Variants in RBFOX1 observed in about 807,000 individuals in gnomAD.
The protein encoded by RBFOX1 is RNA binding protein fox-1 homolog 1.
Under a neutral mutation model 57.7 loss-of-function variants are expected in RBFOX1, and 8 were observed. The ratio of observed to expected loss-of-function variants is 0.14; its 90% CI spans 0.08 to 0.25. RBFOX1 has a LOEUF of 0.25. Ranked by LOEUF, RBFOX1 falls within the 10% of genes least tolerant of loss-of-function variation. The pLI, the probability that RBFOX1 is intolerant of heterozygous loss-of-function variation, is 1.00. For synonymous variants in RBFOX1, 326 were observed against 222.4 expected (o/e 1.47, Z -4.15); for missense variants, 611 against 548.5 (o/e 1.11, Z -1.14).
intron 2 of RBFOX1, among the ~76,000 whole-genome samples, chr16:6,504,569 C>T (rs1444669523): frequency 6.6e-6 from 1 of 152,190 alleles, no homozygotes; most frequent in Non-Finnish European, 1.5e-5. Context: ...TGCCTATCTA[C>T]ATTCCAAACA....
At chr16:7,700,120 C>G (rs1036489877) in intron 14 of RBFOX1, among the ~76,000 whole-genome samples, 2 of 152,044 alleles carry the variant, frequency 1.3e-5, no homozygotes, top group African/African-American at 4.8e-5. Context: ...ATGGGAGATG[C>G]CAGTACATAA....
chr16:5,308,838 T>C (rs1283256791), intron 1 of RBFOX1, among the ~76,000 whole-genome samples: 1 of 152,136 alleles, frequency 6.6e-6, no homozygotes, highest in Non-Finnish European at 1.5e-5. Flanking sequence ...TCTCGCAGAT[T>C]CCCAGTGCTC....
At chr16:6,742,981 A>G (rs982150473) in intron 3 of RBFOX1, among the ~76,000 whole-genome samples, 42 of 152,188 alleles carry the variant, frequency 2.8e-4, no homozygotes, top group African/African-American at 9.7e-4. Context: ...TGTCAATATC[A>G]TATAGTACAA....
chr16:6,235,292 A>G (rs1359094166), intron 1 of RBFOX1, among the ~76,000 whole-genome samples: 2 of 152,206 alleles, frequency 1.3e-5, no homozygotes, highest in South Asian at 4.1e-4. Flanking sequence ...ATGAATCACA[A>G]GGTGCAATAC....
intron 13 of RBFOX1, among the ~76,000 whole-genome samples, chr16:7,674,987 A>G (rs1479424812): frequency 6.6e-6 from 1 of 152,180 alleles, no homozygotes; most frequent in African/African-American, 2.4e-5. Context: ...TGCTGCAAAT[A>G]CTTTTTCTTG....
At position 6,450,859 on chromosome 16, in the gene RBFOX1, A is replaced by ATG. The variant is rs1567304243; in HGVS notation, c.-64+133803_-64+133804insGT. 9.6e-4 allele frequency among the ~76,000 whole-genome samples: 86 copies of ATG among 89,648 alleles called. 10 individuals are homozygous for ATG. Among genetic ancestry groups the ATG allele is most frequent in the African/African-American group, 3.4e-3 (80 of 23,294 alleles). 58.8% of individuals were successfully genotyped at this position (89,648 alleles called of 152,430 possible). A position where few individuals can be genotyped will look rare whatever the true frequency, so the allele number is the denominator to read the frequency against. On this transcript the variant is annotated intron_variant, in intron 2 of 15. Transcript: ENST00000550418. ...TATGTGTATATATATATATATATAT[A>ATG]TATATATATATATATCTCCTCTGAA...
At chr16:5,514,966 G>C (rs1209860603) in intron 2 of RBFOX1, among the ~76,000 whole-genome samples, 5 of 152,170 alleles carry the variant, frequency 3.3e-5, no homozygotes, top group African/African-American at 1.2e-4. Flanking sequence ...GGACCTCAGG[G>C]AGCTTTTACT....
At chr16:7,441,292 T>A (rs568117567) in intron 4 of RBFOX1, among the ~76,000 whole-genome samples, 28 of 152,334 alleles carry the variant, frequency 1.8e-4, no homozygotes, top group Admixed American at 1.4e-3. Flanking sequence ...TTGGCAGTGG[T>A]GGAGCTGTTA....
intron 7 of RBFOX1, among the ~76,000 whole-genome samples, chr16:7,592,964 G>A (rs2094519328): frequency 6.6e-6 from 1 of 150,456 alleles, no homozygotes; most frequent in African/African-American, 2.4e-5. Context: ...AATAGGTACA[G>A]GCTGTCACAC....
At chr16:6,818,310 G>C (rs1372530010) in intron 3 of RBFOX1, among the ~76,000 whole-genome samples, 2 of 152,074 alleles carry the variant, frequency 1.3e-5, no homozygotes, top group African/African-American at 2.4e-5. Flanking sequence ...ATTACTATGA[G>C]AATCATGGTT....
chr16:6,998,403 G>T (rs954454159), intron 3 of RBFOX1, among the ~76,000 whole-genome samples: 1 of 152,072 alleles, frequency 6.6e-6, no homozygotes, highest in Non-Finnish European at 1.5e-5. Flanking sequence ...TCTGAAGGGG[G>T]CAAAATGAAG....
intron 3 of RBFOX1, among the ~76,000 whole-genome samples, chr16:6,919,908 G>T (rs546448160): frequency 1.3e-5 from 2 of 151,650 alleles, no homozygotes; most frequent in Non-Finnish European, 2.9e-5. Context: ...ACTGTACCCA[G>T]TGTGTCATCT....
chr16:6,074,783 C>A (rs1444383433), intron 1 of RBFOX1, among the ~76,000 whole-genome samples: 2 of 152,174 alleles, frequency 1.3e-5, no homozygotes, highest in Non-Finnish European at 2.9e-5. Context: ...AAGCGTCAGG[C>A]CTCACGGGGA....
At chr16:5,707,047 A>G (rs1596864283) in intron 3 of RBFOX1, among the ~76,000 whole-genome samples, 1 of 152,090 alleles carries the variant, frequency 6.6e-6, no homozygotes, top group Non-Finnish European at 1.5e-5. Flanking sequence ...CCAGCAGAGC[A>G]CCCATCCAGG....
chr16:6,642,453 G>A (rs1225004233), intron 2 of RBFOX1, among the ~76,000 whole-genome samples: 1 of 152,004 alleles, frequency 6.6e-6, no homozygotes, highest in Non-Finnish European at 1.5e-5. Flanking sequence ...CCTGAAACAG[G>A]GATGCCGTTC....
At chr16:6,230,797 A>G (rs1050137600) in intron 1 of RBFOX1, among the ~76,000 whole-genome samples, 1 of 152,224 alleles carries the variant, frequency 6.6e-6, no homozygotes, top group African/African-American at 2.4e-5. Context: ...TTAGATATGG[A>G]TACGCATAGT....
At chr16:6,334,797 G>A (rs2152813356) in intron 2 of RBFOX1, among the ~76,000 whole-genome samples, 1 of 152,300 alleles carries the variant, frequency 6.6e-6, no homozygotes, top group South Asian at 2.1e-4. Context: ...GGTACAGGAA[G>A]GGGAGGTGGC....
At chr16:7,436,068 C>T (rs542294854) in intron 4 of RBFOX1, among the ~76,000 whole-genome samples, 63 of 152,228 alleles carry the variant, frequency 4.1e-4, no homozygotes, top group African/African-American at 1.5e-3. Flanking sequence ...AATTTCTTTC[C>T]ACAGATGCAA....
At position 7,242,005 on chromosome 16, in the gene RBFOX1, T is replaced by A. The variant is rs961745462; in HGVS notation, c.27+189907T>A. Among the ~76,000 whole-genome samples, 8 of 152,248 alleles carry A rather than the reference T, an allele frequency of 5.3e-5. No homozygotes were observed. In the East Asian group the frequency reaches 1.5e-3, roughly 29 times the overall value. On this transcript the variant is annotated intron_variant, in intron 4 of 15. Coordinates refer to ENST00000550418, the MANE Select transcript of RBFOX1 (RefSeq NM_018723.4). ...TGGCCCTCTTGATACTTTGGATTGG[T>A]AATCCCTTTTTTTGTGCAGTGTCCC...
Sources: allele counts gnomAD v4.1 joint callset (sites outside exome capture counted in the v4.1 genomes callset), GRCh38; gene constraint gnomAD v4.1.1; transcripts MANE v1.5; gene names NCBI Gene and HGNC (gene_info 2026-07-23, HGNC 2026-07-21).